Variants in PCDHGA5 observed in about 807,000 individuals in gnomAD.
PCDHGA5 encodes the protein protocadherin gamma subfamily A, 5.
A neutral mutation model predicts 56.7 loss-of-function variants in PCDHGA5; 36 were observed. The observed-to-expected ratio is 0.64, with a 90% confidence interval of 0.49 to 0.84. The LOEUF (loss-of-function observed/expected upper bound fraction) is 0.84. Ranked by LOEUF, PCDHGA5 falls within the 40% of genes least tolerant of loss-of-function variation. The probability of loss-of-function intolerance (pLI) is 0.00; values close to 1 mark genes in which losing one functional copy is unlikely to be tolerated. For synonymous variants in PCDHGA5, 563 were observed against 520.2 expected, an observed-to-expected ratio of 1.08 and a Z score of -1.12; for missense variants, 1,305 against 1,201.5, an observed-to-expected ratio of 1.09 and a Z score of -1.27.
rs70988802 is a variant in PCDHGA5 at position 141,450,006 on chromosome 5, C to CTATTTTTTTT, written c.2422-44800_2422-44799insATTTTTTTTT. ...CACATTGCATTTAGTTGCCATGTCTCTTTTTTTTTTTTTTTTTTGAGACAG... is the reference window on the plus strand; with the variant it reads ...CACATTGCATTTAGTTGCCATGTCTCTATTTTTTTTTTTTTTTTTTTTTTTTTTGAGACAG... On this transcript the variant is annotated intron_variant, in intron 1 of 3. Transcript: ENST00000518069. Among the ~76,000 whole-genome samples the CTATTTTTTTT allele has an allele frequency of 3.0e-5, 4 of 132,980 alleles. 1 individual carries two copies. The highest frequency in any genetic ancestry group is 5.6e-5 in the African/African-American group (2 of 35,572). 87.2% of individuals were successfully genotyped at this position (132,980 alleles called of 152,430 possible). A position where few individuals can be genotyped will look rare whatever the true frequency, so the allele number is the denominator to read the frequency against.
rs148675327 is a variant in PCDHGA5 at position 141,477,019 on chromosome 5, C to A, written c.2422-17788C>A. On this transcript the variant is annotated intron_variant, in intron 1 of 3. Coordinates refer to ENST00000518069, the MANE Select transcript of PCDHGA5 (RefSeq NM_018918.3). The surrounding 1 kb of genome is among the most constrained non-coding windows in gnomAD (Gnocchi z 4.9). ...AACTATTCGCCTTAGACCTTGTAAC[C>A]GGGATGCTGACAATCAAGGGTCGGC... The A allele has an allele frequency of 1.7e-5, 28 of 1,614,124 alleles. No individual in the cohort carries two copies. The African/African-American group carries it at 2.5e-4, about 15-fold the overall frequency.
At chr5:141,409,153 G>A in intron 1 of PCDHGA5, 1 of 1,614,026 alleles carries the variant, frequency 6.2e-7, no homozygotes. Context: ...GGTACACCAT[G>A]GAAGTGGAAG....
chr5:141,445,334 A>G (rs1337991795), intron 1 of PCDHGA5, among the ~76,000 whole-genome samples: 1 of 152,224 alleles, frequency 6.6e-6, no homozygotes, highest in African/African-American at 2.4e-5. Context: ...ATCCAGAAAC[A>G]GTAAACATTG....
chr5:141,382,997 A>G lies in PCDHGA5; in HGVS notation c.2421+16246A>G, dbSNP rs1209270277. On this transcript the variant is annotated intron_variant, in intron 1 of 3. Transcript: ENST00000518069. Reference sequence around the variant, plus strand: ...GAAGCCTGGGCAGGACGTATTCTCTACTCCGTGTCGGAGGAGACGGACAAA... The same window carrying G: ...GAAGCCTGGGCAGGACGTATTCTCTGCTCCGTGTCGGAGGAGACGGACAAA... 1 of 1,613,426 alleles carries G rather than the reference A, an allele frequency of 6.2e-7. No individual in the cohort carries two copies. Among genetic ancestry groups the G allele is most frequent in the Non-Finnish European group, 8.5e-7 (1 of 1,179,728 alleles).
rs1377364370 is a variant in PCDHGA5, at chr5:141,477,489, C to T, written c.2422-17318C>T. 1 of 1,614,048 alleles carries T rather than the reference C, an allele frequency of 6.2e-7. No homozygotes were observed. Among genetic ancestry groups the T allele is most frequent in the Non-Finnish European group, 8.5e-7 (1 of 1,180,044 alleles). On this transcript the variant is annotated intron_variant, in intron 1 of 3. Coordinates refer to ENST00000518069, the MANE Select transcript of PCDHGA5 (RefSeq NM_018918.3). This position sits in a 1 kb window ranked among gnomAD's most constrained non-coding sequence, Gnocchi z 4.9. ...ATCAATGACAACCCTCCACAATCTT[C>T]TCAATCTTCCTACGACGTTTACATT...
In PCDHGA5 at chr5:141,364,250, A is replaced by G; in HGVS notation, c.-81A>G. On this transcript the variant is annotated 5_prime_UTR_variant, in exon 1 of 4. Transcript: ENST00000518069. Reference sequence around the variant, plus strand: ...GCTCCACGCCCATTTTCGTCAGGGAATATGTACCCATCGGCTTTAGATAAA... The same window carrying G: ...GCTCCACGCCCATTTTCGTCAGGGAGTATGTACCCATCGGCTTTAGATAAA... 1.3e-6 allele frequency: 2 copies of G among 1,482,280 alleles called. No individual in the cohort carries two copies. Among genetic ancestry groups the G allele is most frequent in the Non-Finnish European group, 1.8e-6 (2 of 1,110,428 alleles). The allele number at this position is 1,482,280 out of a possible 1,614,324, so 91.8% of individuals were successfully genotyped here. A position where few individuals can be genotyped will look rare whatever the true frequency, so the allele number is the denominator to read the frequency against.
rs574059424 is a variant in PCDHGA5 at position 141,426,522 on chromosome 5, G to A, written c.2421+59771G>A. On this transcript the variant is annotated intron_variant, in intron 1 of 3. Transcript: ENST00000518069. ...AGAAACAATACTTTACCGTGAACAC[G>A]GAGAATGGGAACATACTTGTGAGTG... is the stretch of plus-strand genomic sequence containing the variant. The A allele has an allele frequency of 4.4e-5, 15 of 341,518 alleles. No individual in the cohort carries two copies. In the East Asian group the frequency reaches 6.0e-4, roughly 14 times the overall value. 21.2% of individuals were successfully genotyped at this position (341,518 alleles called of 1,614,324 possible).
chr5:141,476,179 T>C lies in PCDHGA5; in HGVS notation c.2422-18628T>C, dbSNP rs1283155400. 26 of 1,613,476 alleles carry C rather than the reference T, an allele frequency of 1.6e-5. No homozygotes were observed. The highest frequency in any genetic ancestry group is 2.0e-5 in the Non-Finnish European group (24 of 1,179,998). On this transcript the variant is annotated intron_variant, in intron 1 of 3. Transcript: ENST00000518069. This position sits in a 1 kb window ranked among gnomAD's most constrained non-coding sequence, Gnocchi z 7.6. Reference sequence around the variant, plus strand: ...CCGGGAGGGTAGTGGGAGTTTTGCTTCTGCTTGGTGCCTTGAACAAGGCTT... The same window carrying C: ...CCGGGAGGGTAGTGGGAGTTTTGCTCCTGCTTGGTGCCTTGAACAAGGCTT...
intron 2 of PCDHGA5, among the ~76,000 whole-genome samples, chr5:141,496,955 G>T (rs2099772887): frequency 6.6e-6 from 1 of 152,006 alleles, no homozygotes; most frequent in African/African-American, 2.4e-5. Context: ...GGAGGCCAAG[G>T]TGGGTAGATC....
chr5:141,385,223 A>C (rs766051345), intron 1 of PCDHGA5: 6 of 1,614,184 alleles, frequency 3.7e-6, no homozygotes. Flanking sequence ...CAGCCCAACT[A>C]TGTAGACATG....
chr5:141,466,746 T>C (rs1035272591), intron 1 of PCDHGA5, among the ~76,000 whole-genome samples: 1 of 152,224 alleles, frequency 6.6e-6, no homozygotes, highest in African/African-American at 2.4e-5. Context: ...GTTACTCTGA[T>C]AGGGGCTCTT....
At chr5:141,398,384 T>A (rs1413881140) in intron 1 of PCDHGA5, 1 of 1,454,330 alleles carries the variant, frequency 6.9e-7, no homozygotes, top group East Asian at 2.3e-5. Context: ...GAGTTGCTTG[T>A]GAGCAGCAGG....
intron 1 of PCDHGA5, chr5:141,374,479 A>T (rs756371683): frequency 1.2e-6 from 2 of 1,611,840 alleles, no homozygotes; most frequent in Non-Finnish European, 1.7e-6. Flanking sequence ...ATACACCCCG[A>T]TTCTTAAAGG....
intron 1 of PCDHGA5, 82 bp from the exon 2 acceptor site, chr5:141,494,725 C>T: frequency 6.2e-7 from 1 of 1,610,026 alleles, no homozygotes; most frequent in Middle Eastern, 1.7e-4. Context: ...CCCTCCTTCT[C>T]TCCCGGCCCA....
chr5:141,381,826 C>CTTCTT (rs1777532522), intron 1 of PCDHGA5, among the ~76,000 whole-genome samples: 13 of 74,294 alleles, frequency 1.7e-4, no homozygotes, highest in South Asian at 5.2e-4. Context: ...CTTTCTTCTT[C>CTTCTT]TTTTTTTTTT....
At chr5:141,427,153 T>C (rs2096993361) in intron 1 of PCDHGA5, 1 of 456,886 alleles carries the variant, frequency 2.2e-6, no homozygotes, top group Non-Finnish European at 4.4e-6. Context: ...GGAAATATGT[T>C]TGTGCTAGAC....
rs181202785 is a variant in PCDHGA5, at chr5:141,458,320, G to A, written c.2422-36487G>A. On this transcript the variant is annotated intron_variant, in intron 1 of 3. Transcript: ENST00000518069. ...TTTAGATAAAATGACACAGACACAT[G>A]TGGAGTGGTTTTAAGGAGTGGAGAG... is the stretch of plus-strand genomic sequence containing the variant. Among the ~76,000 whole-genome samples the A allele has an allele frequency of 3.2e-3, 490 of 152,250 alleles. 4 individuals are homozygous for A. The highest frequency in any genetic ancestry group is 0.017 in the Middle Eastern group (5 of 294).
chr5:141,501,666 T>C (rs2099810374), intron 2 of PCDHGA5, among the ~76,000 whole-genome samples: 1 of 152,142 alleles, frequency 6.6e-6, no homozygotes. Context: ...TTGGAAAATA[T>C]AGATAATCAC....
intron 1 of PCDHGA5, among the ~76,000 whole-genome samples, chr5:141,492,409 C>G (rs1367119266): frequency 6.6e-6 from 1 of 152,230 alleles, no homozygotes; most frequent in Non-Finnish European, 1.5e-5. Flanking sequence ...TCCCCTCTGC[C>G]GCTCCCTCCG....
Sources: allele counts gnomAD v4.1 joint callset (sites outside exome capture counted in the v4.1 genomes callset), GRCh38; gene constraint gnomAD v4.1.1; non-coding constraint Gnocchi (gnomAD v3.1); transcripts MANE v1.5; gene names NCBI Gene and HGNC (gene_info 2026-07-23, HGNC 2026-07-21).